Variants in CAP2 observed in about 807,000 individuals in gnomAD.
CAP2 encodes the protein adenylyl cyclase-associated protein 2.
In CAP2, 24 loss-of-function variants were observed where a neutral mutation model predicts 57.7. The ratio of observed to expected loss-of-function variants is 0.42; its 90% CI spans 0.30 to 0.58. The LOEUF is 0.58. Among genes scored for constraint, CAP2 ranks in the 20% least tolerant of loss-of-function variants. CAP2 has a pLI of 0.22. For missense variants in CAP2, 501 were observed against 590.3 expected (o/e 0.85, Z 1.57); for synonymous variants, 194 against 207.2 (o/e 0.94, Z 0.55).
At chr6:17,416,145 CG>C (rs1445104903) in intron 1 of CAP2, among the ~76,000 whole-genome samples, 3 of 151,628 alleles carry the variant, frequency 2.0e-5, no homozygotes, top group African/African-American at 7.2e-5. Flanking sequence ...CGCACATACA[CG>C]TAGACTTGAG....
intron 11 of CAP2, 34 bp downstream of exon 11, chr6:17,543,177 G>A (rs776596288): frequency 8.3e-6 from 13 of 1,560,348 alleles, no homozygotes; most frequent in South Asian, 1.1e-5. Flanking sequence ...GCTGTAATAA[G>A]CAGAGCCTTT....
intron 3 of CAP2, among the ~76,000 whole-genome samples, chr6:17,434,927 G>A (rs377528745): frequency 6.9e-6 from 1 of 144,534 alleles, no homozygotes; most frequent in Non-Finnish European, 1.5e-5. Flanking sequence ...AACACATGAA[G>A]AAATGCTCAT....
chr6:17,499,848 CATAA>C (rs139314619), intron 4 of CAP2, among the ~76,000 whole-genome samples: 170 of 142,710 alleles, frequency 1.2e-3, no homozygotes, highest in South Asian at 1.2e-3. Context: ...GAGACCCTGT[CATAA>C]ATAAATAAAT....
intron 1 of CAP2, among the ~76,000 whole-genome samples, chr6:17,403,572 T>C (rs1758871171): frequency 6.6e-6 from 1 of 152,224 alleles, no homozygotes; most frequent in South Asian, 2.1e-4. Flanking sequence ...ATCCTACTAA[T>C]AGTAACAATG....
chr6:17,477,326 C>G (rs1285171535), intron 4 of CAP2, among the ~76,000 whole-genome samples: 2 of 152,244 alleles, frequency 1.3e-5, no homozygotes, highest in Non-Finnish European at 2.9e-5. Flanking sequence ...CGGCCACTTT[C>G]ATTTCCTTGA....
At chr6:17,505,897 T>C (rs1009017519) in intron 4 of CAP2, among the ~76,000 whole-genome samples, 7 of 152,154 alleles carry the variant, frequency 4.6e-5, no homozygotes, top group South Asian at 2.1e-4. Flanking sequence ...TATTTTTACT[T>C]ATTTACATAT....
intron 2 of CAP2, among the ~76,000 whole-genome samples, chr6:17,423,386 A>G (rs528826832): frequency 1.3e-5 from 2 of 152,342 alleles, no homozygotes; most frequent in African/African-American, 2.4e-5. Flanking sequence ...AGACACATCT[A>G]TGATTTCATT....
rs191484235 is a variant in CAP2, at chr6:17,514,882, A to T, written c.636+928A>T. ...ATAAAGTCAATTGCAAAAGTTTATG[A>T]GTATTAAGATGATGTATATGTTAAG... is the stretch of plus-strand genomic sequence containing the variant. On this transcript the variant is annotated intron_variant, in intron 7 of 12. Coordinates refer to ENST00000229922, the MANE Select transcript of CAP2 (RefSeq NM_006366.3). 4.9e-3 allele frequency among the ~76,000 whole-genome samples: 749 copies of T among 152,226 alleles called. 7 individuals are homozygous for T. Among genetic ancestry groups the T allele is most frequent in the African/African-American group, 0.017 (695 of 41,536 alleles).
chr6:17,511,421 C>A (rs1762145189), intron 6 of CAP2, among the ~76,000 whole-genome samples: 1 of 152,114 alleles, frequency 6.6e-6, no homozygotes, highest in South Asian at 2.1e-4. Context: ...CGCTTACCAC[C>A]AGCTTGACTG....
intron 3 of CAP2, among the ~76,000 whole-genome samples, chr6:17,458,851 C>A (rs914709171): frequency 1.4e-5 from 2 of 144,774 alleles, no homozygotes; most frequent in Non-Finnish European, 3.0e-5. Flanking sequence ...CCAAATAAAA[C>A]CGAATCACAG....
rs139896994 is a variant in CAP2 at position 17,497,361 on chromosome 6, C to T, written c.301-9808C>T. ...ATCGCTGTCAGAAGCCAGATGATAC[C>T]TCCCTGATAGGGTAAGAGTTGGTAT... On this transcript the variant is annotated intron_variant, in intron 4 of 12. Transcript: ENST00000229922. Among the ~76,000 whole-genome samples the T allele has an allele frequency of 3.2e-3, 487 of 152,282 alleles. 4 individuals carry two copies. Among genetic ancestry groups the T allele is most frequent in the African/African-American group, 0.011 (473 of 41,552 alleles).
At chr6:17,413,273 C>T (rs1022133106) in intron 1 of CAP2, among the ~76,000 whole-genome samples, 20 of 152,136 alleles carry the variant, frequency 1.3e-4, no homozygotes, top group Non-Finnish European at 2.5e-4. Context: ...TCTGATTACA[C>T]CATCTCAAAA....
intron 1 of CAP2, among the ~76,000 whole-genome samples, chr6:17,397,061 A>G (rs543817297): frequency 6.6e-6 from 1 of 152,076 alleles, no homozygotes; most frequent in Non-Finnish European, 1.5e-5. Flanking sequence ...GGTATTTATA[A>G]TCTCGCATTC....
At chr6:17,441,693 C>T (rs941109855) in intron 3 of CAP2, among the ~76,000 whole-genome samples, 6 of 152,136 alleles carry the variant, frequency 3.9e-5, no homozygotes, top group African/African-American at 1.4e-4. Flanking sequence ...CCATGTTGCT[C>T]AGGCTGGTCT....
At chr6:17,444,105 G>A (rs1396661273) in intron 3 of CAP2, among the ~76,000 whole-genome samples, 2 of 152,124 alleles carry the variant, frequency 1.3e-5, no homozygotes, top group Non-Finnish European at 2.9e-5. Context: ...TTATAACTTT[G>A]GGCCCACCTG....
Position 17,553,418 on chromosome 6 carries a change from G to A in CAP2, c.1350+1814G>A, listed in dbSNP as rs543496623. 4.6e-5 allele frequency among the ~76,000 whole-genome samples: 7 copies of A among 152,242 alleles called. No homozygotes were observed. The South Asian group carries it at 6.2e-4, about 14-fold the overall frequency. On this transcript the variant is annotated intron_variant, in intron 12 of 12. Coordinates refer to ENST00000229922, the MANE Select transcript of CAP2 (RefSeq NM_006366.3). ...GGAGGCCGAGGCGGGCAGATCACGAGCTCAGGAGATCAAGACCATCCTGGC... is the reference window on the plus strand; with the variant it reads ...GGAGGCCGAGGCGGGCAGATCACGAACTCAGGAGATCAAGACCATCCTGGC...
intron 4 of CAP2, among the ~76,000 whole-genome samples, chr6:17,472,854 G>C (rs1332468331): frequency 6.6e-6 from 1 of 152,178 alleles, no homozygotes; most frequent in Non-Finnish European, 1.5e-5. Context: ...GAGGTAATCA[G>C]AAAAGAGAGT....
At chr6:17,429,704 G>A (rs1165560839) in intron 3 of CAP2, among the ~76,000 whole-genome samples, 1 of 152,096 alleles carries the variant, frequency 6.6e-6, no homozygotes, top group Non-Finnish European at 1.5e-5. Context: ...GGAAGGAAAA[G>A]AATAGAAGAC....
chr6:17,512,265 A>C (rs958901409), intron 6 of CAP2, among the ~76,000 whole-genome samples: 13 of 152,050 alleles, frequency 8.5e-5, no homozygotes, highest in Non-Finnish European at 1.9e-4. Flanking sequence ...GGTGGCGCAC[A>C]TGTAGCTGTA....
Sources: allele counts gnomAD v4.1 joint callset (sites outside exome capture counted in the v4.1 genomes callset), GRCh38; gene constraint gnomAD v4.1.1; transcripts MANE v1.5; gene names NCBI Gene and HGNC (gene_info 2026-07-23, HGNC 2026-07-21).